BLOC1S5: variants seen among roughly 807,000 people sequenced by gnomAD.
The protein encoded by BLOC1S5 is biogenesis of lysosomal organelles complex 1 subunit 5, also known as biogenesis of lysosome-related organelles complex 1 subunit 5.
A neutral mutation model predicts 24.3 loss-of-function variants in BLOC1S5; 27 were observed. That is an observed-to-expected ratio of 1.11 (90% CI 0.82 to 1.53). The LOEUF is 1.53. Among genes scored for constraint, BLOC1S5 ranks in the 40% most tolerant of loss-of-function variants. The probability of loss-of-function intolerance (pLI) is 0.00; values close to 1 mark genes in which losing one functional copy is unlikely to be tolerated. For synonymous variants in BLOC1S5, 84 were observed against 74.5 expected, an observed-to-expected ratio of 1.13 and a Z score of -0.66; for missense variants, 239 against 229.4, an observed-to-expected ratio of 1.04 and a Z score of -0.27.
chr6:8,047,160 T>TCTCTCTCA lies in BLOC1S5; in HGVS notation c.196-5893_196-5892insTGAGAGAG, dbSNP rs1475934039. Among the ~76,000 whole-genome samples the TCTCTCTCA allele has an allele frequency of 6.9e-3, 881 of 126,904 alleles. 11 individuals are homozygous for TCTCTCTCA. Among genetic ancestry groups the TCTCTCTCA allele is most frequent in the African/African-American group, 0.026 (822 of 31,718 alleles). 83.3% of individuals were successfully genotyped at this position (126,904 alleles called of 152,430 possible). ...AAGACCACCTCTCTCTCTCTCTCTCTCACACACACACACACACACACACAC... is the reference window on the plus strand; with the variant it reads ...AAGACCACCTCTCTCTCTCTCTCTCTCTCTCTCACACACACACACACACACACACACAC... On this transcript the variant is annotated intron_variant, in intron 2 of 4. Transcript: ENST00000397457.
chr6:8,031,676 A>C (rs1763303811), intron 3 of BLOC1S5, among the ~76,000 whole-genome samples: 1 of 152,208 alleles, frequency 6.6e-6, no homozygotes, highest in African/African-American at 2.4e-5. Flanking sequence ...GATTAAGCAA[A>C]AATAACTAAC....
intron 2 of BLOC1S5, among the ~76,000 whole-genome samples, chr6:8,050,423 A>G (rs1764066897): frequency 6.6e-6 from 1 of 152,086 alleles, no homozygotes; most frequent in Non-Finnish European, 1.5e-5. Context: ...AATTAGGCCA[A>G]TTAATAACCC....
chr6:8,014,066 C>A lies in BLOC1S5; in HGVS notation c.*1583G>T, dbSNP rs1762660744. 2 of 152,146 alleles carry A rather than the reference C, an allele frequency of 1.3e-5. No homozygotes were observed. Among genetic ancestry groups the A allele is most frequent in the Admixed American group, 1.3e-4 (2 of 15,256 alleles). The allele number at this position is 152,146 out of a possible 1,614,324, so 9.4% of individuals were successfully genotyped here. A position where few individuals can be genotyped will look rare whatever the true frequency, so the allele number is the denominator to read the frequency against. ...ACAGTAAGCCATACATTTACACAGG[C>A]AGGCATTGTCAATTTTCTGCAGTCG... On this transcript the variant is annotated 3_prime_UTR_variant, in exon 5 of 5. Transcript: ENST00000397457.
At chr6:8,057,216 T>C (rs1343610057) in intron 2 of BLOC1S5, among the ~76,000 whole-genome samples, 2 of 151,078 alleles carry the variant, frequency 1.3e-5, no homozygotes, top group African/African-American at 4.9e-5. Context: ...TGAAACTCCG[T>C]CTCAAAAAAA....
intron 2 of BLOC1S5, among the ~76,000 whole-genome samples, chr6:8,048,270 G>T (rs565001155): frequency 9.9e-5 from 15 of 152,160 alleles, no homozygotes; most frequent in Non-Finnish European, 1.6e-4. Context: ...TGATGCTCCA[G>T]GTTCATCCTC....
At chr6:8,035,929 C>T (rs185856474) in intron 3 of BLOC1S5, among the ~76,000 whole-genome samples, 2 of 152,284 alleles carry the variant, frequency 1.3e-5, no homozygotes, top group Non-Finnish European at 2.9e-5. Flanking sequence ...GCAGGTTACA[C>T]GTTCTTTTCA....
intron 3 of BLOC1S5, chr6:8,027,233 G>T: frequency 2.5e-6 from 1 of 400,386 alleles, no homozygotes; most frequent in Non-Finnish European, 5.0e-6. Flanking sequence ...CATGTAGTGT[G>T]CAGGTTAAGA....
At chr6:8,054,916 A>G (rs867568747) in intron 2 of BLOC1S5, among the ~76,000 whole-genome samples, 1 of 152,144 alleles carries the variant, frequency 6.6e-6, no homozygotes, top group African/African-American at 2.4e-5. Context: ...TCCAATTTTC[A>G]ACTTCACTTA....
chr6:8,040,997 A>G, intron 3 of BLOC1S5, 142 bp downstream of exon 3: 1 of 801,608 alleles, frequency 1.2e-6, no homozygotes. Context: ...ATGGCAACAC[A>G]CATTAATCAC....
chr6:8,023,022 C>T (rs1762979492), intron 4 of BLOC1S5, among the ~76,000 whole-genome samples: 1 of 152,202 alleles, frequency 6.6e-6, no homozygotes, highest in African/African-American at 2.4e-5. Context: ...TTCATAATTA[C>T]TTCCAGTCTG....
chr6:8,025,370 C>G (rs1479614799), intron 4 of BLOC1S5, among the ~76,000 whole-genome samples: 2 of 152,204 alleles, frequency 1.3e-5, no homozygotes, highest in African/African-American at 4.8e-5. Context: ...GCACGCTGTG[C>G]AAGCACCCCA....
At chr6:8,050,284 C>A (rs1013660854) in intron 2 of BLOC1S5, among the ~76,000 whole-genome samples, 1 of 152,276 alleles carries the variant, frequency 6.6e-6, no homozygotes, top group South Asian at 2.1e-4. Flanking sequence ...TGGGGCGCCA[C>A]AAACCACAAT....
intron 2 of BLOC1S5, among the ~76,000 whole-genome samples, chr6:8,044,342 G>GT: frequency 6.6e-6 from 1 of 151,172 alleles, no homozygotes; most frequent in South Asian, 2.1e-4. Context: ...TGATTCTGAG[G>GT]CCTCCCCACC....
chr6:8,054,338 C>T (rs564055102), intron 2 of BLOC1S5: 91 of 419,982 alleles, frequency 2.2e-4, no homozygotes, highest in African/African-American at 1.8e-3. Flanking sequence ...CTGGATATTA[C>T]ACTGTCTGCC....
intron 3 of BLOC1S5, among the ~76,000 whole-genome samples, chr6:8,036,842 T>C (rs989358509): frequency 2.6e-5 from 4 of 152,178 alleles, no homozygotes; most frequent in Admixed American, 2.0e-4. Context: ...AAGCAGGATT[T>C]ATCCCAGGAA....
At position 8,058,357 on chromosome 6, in the gene BLOC1S5, GAAAAAAAAAAAAAAAAAAAA is replaced by G. The variant is rs60827828; in HGVS notation, c.195+4157_195+4176del. 8.3e-5 allele frequency among the ~76,000 whole-genome samples: 7 copies of G among 84,592 alleles called. No individual in the cohort carries two copies. The South Asian group carries it at 2.5e-3, about 30-fold the overall frequency. The allele number at this position is 84,592 out of a possible 152,430, so 55.5% of individuals were successfully genotyped here. ...CAACACAGTGAGACCCTGTCTCTAT[GAAAAAAAAAAAAAAAAAAAA>G]AAAAAAAAAAAAAATAGCCGGCCAT... On this transcript the variant is annotated intron_variant, in intron 2 of 4. Coordinates refer to ENST00000397457, the MANE Select transcript of BLOC1S5 (RefSeq NM_201280.3).
chr6:8,016,143 T>C (rs1397120224), intron 4 of BLOC1S5, among the ~76,000 whole-genome samples: 1 of 152,242 alleles, frequency 6.6e-6, no homozygotes, highest in East Asian at 1.9e-4. Context: ...CTGGCCAACA[T>C]GGCAAAACTC....
chr6:8,056,572 G>A, intron 2 of BLOC1S5, among the ~76,000 whole-genome samples: 1 of 152,198 alleles, frequency 6.6e-6, no homozygotes, highest in East Asian at 1.9e-4. Flanking sequence ...CTATTTCAAT[G>A]CTTATGGCAC....
At chr6:8,043,515 T>C (rs778350627) in intron 2 of BLOC1S5, among the ~76,000 whole-genome samples, 4 of 152,020 alleles carry the variant, frequency 2.6e-5, no homozygotes, top group Non-Finnish European at 4.4e-5. Context: ...TCAAGACTTA[T>C]GCAAAGGTCA....
Sources: gnomAD v4.1 joint callset for allele counts (sites outside exome capture counted in the v4.1 genomes callset) on GRCh38, gnomAD v4.1.1 for gene constraint, MANE v1.5 for transcripts, NCBI Gene and HGNC (gene_info 2026-07-23, HGNC 2026-07-21) for gene names.